Variants in PRDM5 observed in about 807,000 individuals in gnomAD.
The protein encoded by PRDM5 is PR/SET domain 5, also known as PR domain zinc finger protein 5.
Under a neutral mutation model 81.2 loss-of-function variants are expected in PRDM5, and 56 were observed. The observed-to-expected ratio is 0.69, with a 90% CI of 0.56 to 0.86. The LOEUF is 0.86. Among genes scored for constraint, PRDM5 ranks in the 40% least tolerant of loss-of-function variants. The probability of loss-of-function intolerance (pLI) is 0.00; values close to 1 mark genes in which losing one functional copy is unlikely to be tolerated. For missense variants in PRDM5, 697 were observed against 770.1 expected, an observed-to-expected ratio of 0.91 and a Z score of 1.12; for synonymous variants, 267 against 256.4, an observed-to-expected ratio of 1.04 and a Z score of -0.39.
intron 3 of PRDM5, among the ~76,000 whole-genome samples, chr4:120,825,332 C>T (rs1755818394): frequency 2.0e-5 from 3 of 152,172 alleles, no homozygotes; most frequent in African/African-American, 7.2e-5. Flanking sequence ...CAGTGGTTAA[C>T]ATATTCATTT....
chr4:120,886,301 A>T (rs145773187), intron 2 of PRDM5, among the ~76,000 whole-genome samples: 257 of 152,362 alleles, frequency 1.7e-3, no homozygotes, highest in African/African-American at 5.9e-3. Context: ...AACAATAAAG[A>T]AAACAAAAGA....
chr4:120,869,378 C>A (rs1761546480), intron 2 of PRDM5, among the ~76,000 whole-genome samples: 1 of 152,188 alleles, frequency 6.6e-6, no homozygotes, highest in Non-Finnish European at 1.5e-5. Flanking sequence ...TAGTTACATT[C>A]ATGCAAGTGG....
At chr4:120,764,011 A>G (rs1381177920) in intron 13 of PRDM5, among the ~76,000 whole-genome samples, 3 of 152,078 alleles carry the variant, frequency 2.0e-5, no homozygotes, top group Non-Finnish European at 4.4e-5. Context: ...CAACACAGAG[A>G]GTTATTCTTG....
intron 7 of PRDM5, among the ~76,000 whole-genome samples, chr4:120,812,019 C>T (rs1229936003): frequency 6.6e-6 from 1 of 152,124 alleles, no homozygotes; most frequent in South Asian, 2.1e-4. Flanking sequence ...TTTATTCACC[C>T]CCTCCCCGCT....
chr4:120,856,534 G>A (rs1332905813), intron 2 of PRDM5, among the ~76,000 whole-genome samples: 1 of 152,044 alleles, frequency 6.6e-6, no homozygotes, highest in Non-Finnish European at 1.5e-5. Flanking sequence ...CACCAAAGCT[G>A]GTAGATTACC....
chr4:120,732,246 G>A (rs569240505), intron 14 of PRDM5, among the ~76,000 whole-genome samples: 2 of 152,232 alleles, frequency 1.3e-5, no homozygotes, highest in South Asian at 2.1e-4. Context: ...TGATCATTAG[G>A]AAGATTTCTT....
At chr4:120,752,964 A>T (rs929550203) in intron 14 of PRDM5, among the ~76,000 whole-genome samples, 2 of 152,188 alleles carry the variant, frequency 1.3e-5, no homozygotes, top group South Asian at 2.1e-4. Flanking sequence ...AAATGAAGTA[A>T]AAAACAAATT....
chr4:120,882,213 T>C (rs1762917154), intron 2 of PRDM5, among the ~76,000 whole-genome samples: 1 of 152,186 alleles, frequency 6.6e-6, no homozygotes, highest in South Asian at 2.1e-4. Context: ...GAAGGAAGCA[T>C]ATGGCTTCAT....
At chr4:120,779,759 C>G (rs1748738631) in intron 12 of PRDM5, among the ~76,000 whole-genome samples, 1 of 151,942 alleles carries the variant, frequency 6.6e-6, no homozygotes, top group Non-Finnish European at 1.5e-5. Flanking sequence ...AAAAATTAGC[C>G]AGGCGTGGTA....
At chr4:120,770,244 G>T (rs1190200295) in intron 13 of PRDM5, among the ~76,000 whole-genome samples, 1 of 152,150 alleles carries the variant, frequency 6.6e-6, no homozygotes, top group Non-Finnish European at 1.5e-5. Flanking sequence ...GGCCAGGCTG[G>T]TCTCAAACTC....
chr4:120,886,218 T>C (rs977534109), intron 2 of PRDM5, among the ~76,000 whole-genome samples: 5 of 152,222 alleles, frequency 3.3e-5, no homozygotes, highest in African/African-American at 1.2e-4. Context: ...CATAACAAAA[T>C]GTTATCATCT....
At chr4:120,687,425 C>T (rs1276366898), downstream of PRDM5, among the ~76,000 whole-genome samples, 1 of 152,038 alleles carries the variant, frequency 6.6e-6, no homozygotes, top group African/African-American at 2.4e-5. Context: ...AGCATAATGT[C>T]CTCAAGTTTC....
chr4:120,814,253 C>T (rs1754210854), intron 7 of PRDM5, among the ~76,000 whole-genome samples: 1 of 152,140 alleles, frequency 6.6e-6, no homozygotes, highest in African/African-American at 2.4e-5. Flanking sequence ...CACCACTCTA[C>T]CAGCTCCCCT....
intron 2 of PRDM5, among the ~76,000 whole-genome samples, chr4:120,902,240 A>C (rs114771589): frequency 0.013 from 1,934 of 152,338 alleles, 25 homozygotes; most frequent in Middle Eastern, 0.058. Context: ...GAAATGCACA[A>C]ACTGTGCTGC....
At chr4:120,770,464 CTTTTT>C (rs10610024) in intron 13 of PRDM5, among the ~76,000 whole-genome samples, 1 of 146,704 alleles carries the variant, frequency 6.8e-6, no homozygotes. Flanking sequence ...TCTCATTTCT[CTTTTT>C]TTTTTTTTTA....
chr4:120,879,132 A>T (rs1403332703), intron 2 of PRDM5, among the ~76,000 whole-genome samples: 1 of 152,216 alleles, frequency 6.6e-6, no homozygotes, highest in Non-Finnish European at 1.5e-5. Context: ...TAAACTTTAG[A>T]AGCAATCAAA....
At chr4:120,905,396 G>A (rs558890788) in intron 2 of PRDM5, among the ~76,000 whole-genome samples, 2 of 152,252 alleles carry the variant, frequency 1.3e-5, no homozygotes, top group Admixed American at 1.3e-4. Context: ...AAGGTATTTT[G>A]TAGATGCGGT....
At chr4:120,740,441 C>T (rs777665647) in intron 14 of PRDM5, among the ~76,000 whole-genome samples, 14 of 152,154 alleles carry the variant, frequency 9.2e-5, no homozygotes, top group African/African-American at 1.2e-4. Flanking sequence ...ATCCAGTATC[C>T]GCTCCTCCCC....
At chr4:120,820,903 C>A (rs566664346) in intron 4 of PRDM5, among the ~76,000 whole-genome samples, 1 of 152,340 alleles carries the variant, frequency 6.6e-6, no homozygotes, top group African/African-American at 2.4e-5. Context: ...CCAGTGAGAG[C>A]AGTGAGAGCC....
Sources: gnomAD v4.1 joint callset for allele counts (sites outside exome capture counted in the v4.1 genomes callset) on GRCh38, gnomAD v4.1.1 for gene constraint, MANE v1.5 for transcripts, NCBI Gene and HGNC (gene_info 2026-07-23, HGNC 2026-07-21) for gene names.